Variants in TLN1 observed in about 807,000 individuals in gnomAD.
The protein encoded by TLN1 is talin-1.
Under a neutral mutation model 292.3 loss-of-function variants are expected in TLN1, and 56 were observed. The observed-to-expected ratio is 0.19, with a 90% CI of 0.15 to 0.24. The LOEUF is 0.24. Among genes scored for constraint, TLN1 ranks in the 10% least tolerant of loss-of-function variants. The pLI, the probability that TLN1 is intolerant of heterozygous loss-of-function variation, is 1.00. For synonymous variants in TLN1, 1,119 were observed against 1,253.7 expected, an observed-to-expected ratio of 0.89 and a Z score of 2.27; for missense variants, 2,433 against 3,248.2, an observed-to-expected ratio of 0.75 and a Z score of 6.10.
Position 35,707,271 on chromosome 9 carries a change from A to G in TLN1, c.4774-18T>C. 1.9e-6 allele frequency: 3 copies of G among 1,603,594 alleles called. No individual in the cohort carries two copies. Among genetic ancestry groups the G allele is most frequent in the Non-Finnish European group, 2.6e-6 (3 of 1,172,594 alleles). The stretch of plus-strand genomic sequence containing the variant: ...GCCCGACCCTGGGGAGAGGGGAGGC[A>G]GGAAGGTAAGTCTCAGGAGTCCCTG... On this transcript the variant is annotated intron_variant, in intron 36 of 56. Coordinates refer to ENST00000314888, the MANE Select transcript of TLN1 (RefSeq NM_006289.4). The surrounding 1 kb of genome is among the most constrained non-coding windows in gnomAD (Gnocchi z 5.6).
At position 35,699,799 on chromosome 9, in the gene TLN1, A is replaced by G; in HGVS notation, c.6768+175T>C. 1 of 727,522 alleles carries G rather than the reference A, an allele frequency of 1.4e-6. No homozygotes were observed. The highest frequency in any genetic ancestry group is 1.7e-6 in the Non-Finnish European group (1 of 595,048). The allele number at this position is 727,522 out of a possible 1,614,324, so 45.1% of individuals were successfully genotyped here. A position where few individuals can be genotyped will look rare whatever the true frequency, so the allele number is the denominator to read the frequency against. On this transcript the variant is annotated intron_variant, in intron 50 of 56. Transcript: ENST00000314888. This position sits in a 1 kb window ranked among gnomAD's most constrained non-coding sequence, Gnocchi z 4.0. ...GGTGACTGGGAGAACCAAAGATGAT[A>G]AGAAGGATGGGGCCTGGGAGAAAGG...
intron 17 of TLN1, among the ~76,000 whole-genome samples, 168 bp downstream of exon 17, chr9:35,718,644 C>T (rs1430092472): frequency 6.6e-6 from 1 of 152,154 alleles, no homozygotes; most frequent in Non-Finnish European, 1.5e-5. Flanking sequence ...GTTCTGAATT[C>T]TAACCCCTAA....
At position 35,719,643 on chromosome 9, in the gene TLN1, A is replaced by C. The variant is rs1246641572; in HGVS notation, c.1579-16T>G. ...CCTTAGAGGCCTGAAAGAGAGAGGA[A>C]AAGCCTTCAGGATCTGCCCTGGTTT... On this transcript the variant is annotated splice_polypyrimidine_tract_variant and intron_variant, in intron 14 of 56. Coordinates refer to ENST00000314888, the MANE Select transcript of TLN1 (RefSeq NM_006289.4). The surrounding 1 kb of genome is among the most constrained non-coding windows in gnomAD (Gnocchi z 4.6). 1.2e-6 allele frequency: 2 copies of C among 1,613,532 alleles called. No individual in the cohort carries two copies. Among genetic ancestry groups the C allele is most frequent in the Non-Finnish European group, 1.7e-6 (2 of 1,179,518 alleles).
At chr9:35,718,710 T>A in intron 17 of TLN1, 102 bp downstream of exon 17, 1 of 975,484 alleles carries the variant, frequency 1.0e-6, no homozygotes, top group Non-Finnish European at 1.6e-6. Context: ...TCAGATTGGT[T>A]TTTAGGGGTC....
Position 35,719,934 on chromosome 9 carries a change from A to C in TLN1, c.1465-81T>G. Reference sequence around the variant, plus strand: ...GGTAAAAGAGAACCAGGGTCTAGGGAGAGAATACAAATAGGGACCTGGGAA... The same window carrying C: ...GGTAAAAGAGAACCAGGGTCTAGGGCGAGAATACAAATAGGGACCTGGGAA... On this transcript the variant is annotated intron_variant, in intron 13 of 56. Transcript: ENST00000314888. The surrounding 1 kb of genome is among the most constrained non-coding windows in gnomAD (Gnocchi z 4.6). 2 of 1,582,082 alleles carry C rather than the reference A, an allele frequency of 1.3e-6. No individual in the cohort carries two copies. Among genetic ancestry groups the C allele is most frequent in the Non-Finnish European group, 1.7e-6 (2 of 1,159,450 alleles).
At chr9:35,728,242 A>G (rs1437540318) in intron 1 of TLN1, among the ~76,000 whole-genome samples, 1 of 152,228 alleles carries the variant, frequency 6.6e-6, no homozygotes, top group Non-Finnish European at 1.5e-5. Context: ...TAGTCAGAGC[A>G]GATACCCACA....
intron 27 of TLN1, 27 bp from the exon 28 acceptor site, chr9:35,712,151 C>T (rs1417649080): frequency 6.2e-7 from 1 of 1,604,318 alleles, no homozygotes; most frequent in Non-Finnish European, 8.5e-7. Context: ...GACAGGGTTG[C>T]CCAAGTGAAA....
intron 7 of TLN1, 99 bp from the exon 8 acceptor site, chr9:35,723,020 A>G: frequency 1.0e-6 from 1 of 996,528 alleles, no homozygotes; most frequent in South Asian, 1.3e-5. Context: ...TACCTAGGAC[A>G]GTGTTATCTT....
intron 43 of TLN1, among the ~76,000 whole-genome samples, chr9:35,705,039 G>A (rs1825540750): frequency 6.6e-6 from 1 of 152,216 alleles, no homozygotes; most frequent in South Asian, 2.1e-4. Context: ...TAAGTGGTGA[G>A]GATTGTGTTA....
In TLN1 at chr9:35,717,018, G is replaced by A. The variant is rs1825797040; in HGVS notation, c.2458+128C>T. The A allele has an allele frequency of 2.9e-6, 3 of 1,050,766 alleles. No individual in the cohort carries two copies. The highest frequency in any genetic ancestry group is 4.1e-6 in the Non-Finnish European group (3 of 734,948). 65.1% of individuals were successfully genotyped at this position (1,050,766 alleles called of 1,614,324 possible). Reference sequence around the variant, plus strand: ...GCTTTAATGATGAGCCTATGGTTGTGTGGCTGGCAAGCCCACACTGTGCTG... The same window carrying A: ...GCTTTAATGATGAGCCTATGGTTGTATGGCTGGCAAGCCCACACTGTGCTG... On this transcript the variant is annotated intron_variant, in intron 19 of 56. Transcript: ENST00000314888. The surrounding 1 kb of genome is among the most constrained non-coding windows in gnomAD (Gnocchi z 4.7).
At chr9:35,705,333 C>T (rs1036280237) in intron 43 of TLN1, among the ~76,000 whole-genome samples, 2 of 152,184 alleles carry the variant, frequency 1.3e-5, no homozygotes, top group African/African-American at 2.4e-5. Context: ...AAGGCAGGCC[C>T]GGGAAGGCTC....
Position 35,697,633 on chromosome 9 carries a change from G to T in TLN1, c.*158C>A. 2 of 1,082,178 alleles carry T rather than the reference G, an allele frequency of 1.8e-6. No homozygotes were observed. The highest frequency in any genetic ancestry group is 2.6e-6 in the Non-Finnish European group (2 of 758,066). 67.0% of individuals were successfully genotyped at this position (1,082,178 alleles called of 1,614,324 possible). A position where few individuals can be genotyped will look rare whatever the true frequency, so the allele number is the denominator to read the frequency against. On this transcript the variant is annotated 3_prime_UTR_variant, in exon 57 of 57. Transcript: ENST00000314888. ...CACTTGGGGTTGGGGAGGGGACAGGGGATGTACTGCGGGACTGGGCGGGGC... is the reference window on the plus strand; with the variant it reads ...CACTTGGGGTTGGGGAGGGGACAGGTGATGTACTGCGGGACTGGGCGGGGC...
chr9:35,697,096 TTGTGAGGCTTAGG>T lies in TLN1; in HGVS notation c.*682_*694del, dbSNP rs1238896663. 2 of 152,196 alleles carry T rather than the reference TTGTGAGGCTTAGG, an allele frequency of 1.3e-5. No homozygotes were observed. Among genetic ancestry groups the T allele is most frequent in the African/African-American group, 4.8e-5 (2 of 41,432 alleles). The allele number at this position is 152,196 out of a possible 1,614,324, so 9.4% of individuals were successfully genotyped here. On this transcript the variant is annotated 3_prime_UTR_variant, in exon 57 of 57. Coordinates refer to ENST00000314888, the MANE Select transcript of TLN1 (RefSeq NM_006289.4). ...GTCCCAGCAGCAGCAGAACGACACT[TTGTGAGGCTTAGG>T]TGCTGGCCAGGGAGGTGAGGATAAC...
rs1825747487 is a variant in TLN1 at position 35,714,747 on chromosome 9, C to T, written c.2871+13G>A. ...CTCCCTCTTCCACTCCCACATCCTTCCTAGAGTCTTACCTTGCAGCTCTGC... is the reference window on the plus strand; with the variant it reads ...CTCCCTCTTCCACTCCCACATCCTTTCTAGAGTCTTACCTTGCAGCTCTGC... On this transcript the variant is annotated intron_variant, in intron 22 of 56. Coordinates refer to ENST00000314888, the MANE Select transcript of TLN1 (RefSeq NM_006289.4). This position sits in a 1 kb window ranked among gnomAD's most constrained non-coding sequence, Gnocchi z 4.6. 2 of 1,606,528 alleles carry T rather than the reference C, an allele frequency of 1.2e-6. No homozygotes were observed. The highest frequency in any genetic ancestry group is 1.1e-5 in the South Asian group (1 of 89,900).
At chr9:35,721,056 C>G (rs1825871902) in intron 10 of TLN1, 143 bp from the exon 11 acceptor site, 1 of 601,512 alleles carries the variant, frequency 1.7e-6, no homozygotes, top group African/African-American at 1.8e-5. Context: ...CTTTCTTGAA[C>G]CTCCTCTTTA....
intron 1 of TLN1, among the ~76,000 whole-genome samples, chr9:35,727,702 G>T (rs1276008919): frequency 6.6e-6 from 1 of 152,144 alleles, no homozygotes; most frequent in Non-Finnish European, 1.5e-5. Flanking sequence ...GAAGCTGGAG[G>T]AGTCTGTGGA....
rs974440016 is a variant in TLN1 at position 35,697,688 on chromosome 9, G to C, written c.*103C>G. The C allele has an allele frequency of 2.5e-5, 38 of 1,511,726 alleles. No individual in the cohort carries two copies. Among genetic ancestry groups the C allele is most frequent in the Non-Finnish European group, 3.4e-5 (38 of 1,122,618 alleles). The allele number at this position is 1,511,726 out of a possible 1,614,324, so 93.6% of individuals were successfully genotyped here. A position where few individuals can be genotyped will look rare whatever the true frequency, so the allele number is the denominator to read the frequency against. On this transcript the variant is annotated 3_prime_UTR_variant, in exon 57 of 57. Coordinates refer to ENST00000314888, the MANE Select transcript of TLN1 (RefSeq NM_006289.4). ...CCCTGGGGTTTGGCAGGCACTTTGG[G>C]GAGTGCTGGGGTTGGGCAGGTTGGG...
rs1173465004 is a variant in TLN1 at position 35,706,073 on chromosome 9, C to T, written c.5400G>A (p.Val1800=). The T allele has an allele frequency of 6.2e-7, 1 of 1,614,218 alleles. No homozygotes were observed. The highest frequency in any genetic ancestry group is 1.7e-5 in the Admixed American group (1 of 60,028). ...AHTQEALEEA[V]QMMTEAVEDL... is the part of the protein sequence containing the mutation. Reference sequence around the variant, plus strand: ...CCTCTACGGCCTCGGTCATCATCTGCACAGCCTCCTCCAGGGCTTCCTGGG... The same window carrying T: ...CCTCTACGGCCTCGGTCATCATCTGTACAGCCTCCTCCAGGGCTTCCTGGG... Residue 1800 remains valine (V), a synonymous_variant, in exon 41 of 57, where the codon GTG becomes GTA. Transcript: ENST00000314888. This position sits in a 1 kb window ranked among gnomAD's most constrained non-coding sequence, Gnocchi z 4.2.
At chr9:35,720,560 G>A (rs1013276165) in intron 11 of TLN1, 51 bp from the exon 12 acceptor site, 1 of 1,564,254 alleles carries the variant, frequency 6.4e-7, no homozygotes, top group Admixed American at 1.7e-5. Flanking sequence ...GAAGAGGGAA[G>A]TGGAGAAAAG....
Sources: allele counts gnomAD v4.1 joint callset (sites outside exome capture counted in the v4.1 genomes callset), GRCh38; gene constraint gnomAD v4.1.1; non-coding constraint Gnocchi (gnomAD v3.1); transcripts MANE v1.5; gene names NCBI Gene and HGNC (gene_info 2026-07-23, HGNC 2026-07-21).